The following ATM variants were observed in gnomAD, a reference collection of about 807,000 sequenced individuals.
The protein encoded by ATM is ATM serine/threonine kinase.
ATM carries 308 observed loss-of-function variants against 387.0 expected under a neutral mutation model. The ratio of observed to expected loss-of-function variants is 0.80; its 90% CI spans 0.73 to 0.87. ATM has a LOEUF of 0.87. Ranked by LOEUF, ATM falls within the 40% of genes least tolerant of loss-of-function variation. ATM has a pLI of 0.00. For synonymous variants in ATM, 1,156 were observed against 1,187.3 expected (o/e 0.97, Z 0.54); for missense variants, 3,312 against 3,560.9 (o/e 0.93, Z 1.78).
chr11:108,311,455 G>A (rs189215442), intron 39 of ATM, among the ~76,000 whole-genome samples: 1 of 152,234 alleles, frequency 6.6e-6, no homozygotes, highest in Non-Finnish European at 1.5e-5. Context: ...CAGCACTTTG[G>A]GAGGCCAAAG....
chr11:108,253,641 T>A (rs1227295113), intron 12 of ATM, among the ~76,000 whole-genome samples, 173 bp from the exon 13 acceptor site: 1 of 152,072 alleles, frequency 6.6e-6, no homozygotes, highest in Non-Finnish European at 1.5e-5. Context: ...TATAAGTAGG[T>A]CTCAAAGTCC....
At chr11:108,294,847 CTA>C (rs1001609849) in intron 31 of ATM, 78 bp from the exon 32 acceptor site, 22 of 1,518,384 alleles carry the variant, frequency 1.4e-5, no homozygotes, top group Non-Finnish European at 1.9e-5. Context: ...TGGCACTTAA[CTA>C]ATTTTTTTCT....
rs537873989 is a variant in ATM at position 108,327,119 on chromosome 11, C to T, written c.6976-526C>T. ...CTGGGATTACAGGCGTGAGCCACCA[C>T]GCCCGGCCTTTACTGTACTTTTTGA... On this transcript the variant is annotated intron_variant, in intron 47 of 62. Transcript: ENST00000675843. Among the ~76,000 whole-genome samples the T allele has an allele frequency of 5.8e-3, 877 of 152,284 alleles. 6 individuals carry two copies. The highest frequency in any genetic ancestry group is 9.4e-3 in the Non-Finnish European group (637 of 68,030).
At position 108,294,599 on chromosome 11, in the gene ATM, C is replaced by T. The variant is rs540487984; in HGVS notation, c.4777-328C>T. Among the ~76,000 whole-genome samples, 4 of 152,244 alleles carry T rather than the reference C, an allele frequency of 2.6e-5. No individual in the cohort carries two copies. In the East Asian group the frequency reaches 5.8e-4, roughly 22 times the overall value. On this transcript the variant is annotated intron_variant, in intron 31 of 62. Transcript: ENST00000675843. ...TACTAAAAATACAAAATTAGCTGGG[C>T]GTGGTGGCACATTCCTGTAAATGCC...
chr11:108,278,054 C>T (rs1591628295), intron 22 of ATM, among the ~76,000 whole-genome samples: 1 of 151,994 alleles, frequency 6.6e-6, no homozygotes, highest in African/African-American at 2.4e-5. Flanking sequence ...AAAAAAATTA[C>T]ATGATGCTTC....
At chr11:108,338,382 C>T (rs1015767206) in intron 56 of ATM, among the ~76,000 whole-genome samples, 1 of 151,784 alleles carries the variant, frequency 6.6e-6, no homozygotes, top group Non-Finnish European at 1.5e-5. Context: ...AGGCCAGATG[C>T]AGTGGCTCAT....
chr11:108,257,400 C>G, intron 14 of ATM, 81 bp from the exon 15 acceptor site: 1 of 1,523,314 alleles, frequency 6.6e-7, no homozygotes, highest in Non-Finnish European at 8.9e-7. Context: ...ATAGTATGTC[C>G]AAGATCAAAG....
At chr11:108,332,433 A>AAATT (rs4988124) in intron 52 of ATM, among the ~76,000 whole-genome samples, 152 of 151,740 alleles carry the variant, frequency 1.0e-3, no homozygotes, top group Admixed American at 2.7e-3. Context: ...ACTCTGTCTC[A>AAATT]AATTAATTAA....
At chr11:108,334,352 A>G (rs535673372) in intron 54 of ATM, among the ~76,000 whole-genome samples, 1 of 152,302 alleles carries the variant, frequency 6.6e-6, no homozygotes, top group African/African-American at 2.4e-5. Flanking sequence ...TGGCTGTGAT[A>G]TATCACAGTA....
chr11:108,283,838 C>T (rs2082350598), intron 25 of ATM, among the ~76,000 whole-genome samples: 1 of 152,132 alleles, frequency 6.6e-6, no homozygotes. Flanking sequence ...GAAAAATATG[C>T]AAGTATAAGT....
chr11:108,275,121 T>C (rs1479174388), intron 22 of ATM, among the ~76,000 whole-genome samples: 1 of 152,224 alleles, frequency 6.6e-6, no homozygotes, highest in Non-Finnish European at 1.5e-5. Context: ...CATCATGTAA[T>C]GTCCTTCTTT....
intron 54 of ATM, 55 bp from the exon 55 acceptor site, chr11:108,334,914 T>G (rs1468409025): frequency 6.4e-7 from 1 of 1,559,654 alleles, no homozygotes; most frequent in Admixed American, 1.7e-5. Context: ...GTATTTTTCT[T>G]TAAGTGCAAA....
intron 61 of ATM, among the ~76,000 whole-genome samples, chr11:108,364,287 C>G (rs968347034): frequency 6.6e-6 from 1 of 152,140 alleles, no homozygotes; most frequent in African/African-American, 2.4e-5. Context: ...CCACTTATTA[C>G]TAAGATTTGT....
At chr11:108,344,270 A>G (rs1480226366) in intron 57 of ATM, among the ~76,000 whole-genome samples, 1 of 151,988 alleles carries the variant, frequency 6.6e-6, no homozygotes, top group Non-Finnish European at 1.5e-5. Context: ...ACAGAAGTAG[A>G]TCCAAGAAAT....
intron 6 of ATM, 57 bp from the exon 7 acceptor site, chr11:108,244,731 G>C (rs1467062623): frequency 7.6e-7 from 1 of 1,310,180 alleles, no homozygotes; most frequent in African/African-American, 1.5e-5. Context: ...TAACTGTTCA[G>C]TTTGTACAGT....
intron 4 of ATM, among the ~76,000 whole-genome samples, chr11:108,232,233 T>A (rs1488182809): frequency 1.3e-5 from 2 of 152,234 alleles, no homozygotes; most frequent in Non-Finnish European, 2.9e-5. Flanking sequence ...TTTGTTTTTT[T>A]ATTTACGGCT....
At chr11:108,314,399 C>T (rs992932601) in intron 40 of ATM, among the ~76,000 whole-genome samples, 4 of 152,056 alleles carry the variant, frequency 2.6e-5, no homozygotes, top group Non-Finnish European at 5.9e-5. Context: ...AGCCACTGCA[C>T]CCAGCCCATG....
chr11:108,363,085 T>A (rs1791093611), intron 61 of ATM, among the ~76,000 whole-genome samples: 3 of 152,230 alleles, frequency 2.0e-5, no homozygotes, highest in Non-Finnish European at 4.4e-5. Flanking sequence ...AATCATTTGG[T>A]GTGATTGTTC....
chr11:108,331,765 T>C (rs758674172), intron 51 of ATM, 114 bp from the exon 52 acceptor site: 12 of 1,358,662 alleles, frequency 8.8e-6, no homozygotes, highest in Non-Finnish European at 1.2e-5. Context: ...GCATACACGC[T>C]CTACCCACTG....
Sources: allele counts gnomAD v4.1 joint callset (sites outside exome capture counted in the v4.1 genomes callset), GRCh38; gene constraint gnomAD v4.1.1; transcripts MANE v1.5; gene names NCBI Gene and HGNC (gene_info 2026-07-23, HGNC 2026-07-21).